Variants in SDC4 observed in about 807,000 individuals in gnomAD.
SDC4 encodes the protein syndecan 4.
Under a neutral mutation model 20.5 loss-of-function variants are expected in SDC4, and 17 were observed. The observed-to-expected ratio is 0.83, with a 90% CI of 0.57 to 1.25. The LOEUF (loss-of-function observed/expected upper bound fraction) is 1.25, where lower values mean the gene tolerates loss of function less well. SDC4 is among the 50% of genes most tolerant of loss of function. SDC4 has a pLI of 0.00. For synonymous variants in SDC4, 107 were observed against 105.3 expected, an observed-to-expected ratio of 1.02 and a Z score of -0.10; for missense variants, 241 against 252.3, an observed-to-expected ratio of 0.96 and a Z score of 0.30.
At position 45,348,363 on chromosome 20, in the gene SDC4, C is replaced by T. The variant is rs1214822572; in HGVS notation, c.22G>A (p.Ala8Thr). The T allele has an allele frequency of 1.6e-5, 26 of 1,591,256 alleles. No individual in the cohort carries two copies. The highest frequency in any genetic ancestry group is 2.1e-5 in the Non-Finnish European group (25 of 1,170,422). Reference protein sequence around the residue: MAPARLFALLLFFVGGVA... With the variant: MAPARLFTLLLFFVGGVA... The stretch of plus-strand genomic sequence containing the variant: ...CCGCCTACGAAGAACAGCAGCAGCG[C>T]GAACAGACGGGCGGGGGCCATGGCA... Residue 8 changes from alanine (A) to threonine (T), a missense_variant, in exon 1 of 5, where the codon GCG (alanine) becomes ACG (threonine). Ala to Thr is a moderately conservative substitution (Grantham distance 58). Transcript: ENST00000372733.
intron 2 of SDC4, among the ~76,000 whole-genome samples, chr20:45,333,972 A>C (rs1222389415): frequency 1.3e-5 from 2 of 148,242 alleles, no homozygotes; most frequent in African/African-American, 5.0e-5. Flanking sequence ...GAAATGTAGA[A>C]TTTCAGGGCT....
intron 1 of SDC4, among the ~76,000 whole-genome samples, chr20:45,339,996 C>T (rs749329806): frequency 6.6e-6 from 1 of 152,294 alleles, no homozygotes; most frequent in East Asian, 1.9e-4. Flanking sequence ...CAGCTGGCAG[C>T]GGAGATGGAC....
chr20:45,340,407 C>G (rs1212226106), intron 1 of SDC4, among the ~76,000 whole-genome samples: 11 of 152,232 alleles, frequency 7.2e-5, no homozygotes, highest in African/African-American at 2.2e-4. Flanking sequence ...AGCTGGGATT[C>G]AAATCCAGAT....
At position 45,327,177 on chromosome 20, in the gene SDC4, T is replaced by G; in HGVS notation, c.*87A>C. The G allele has an allele frequency of 3.5e-6, 5 of 1,436,876 alleles. No individual in the cohort carries two copies. The highest frequency in any genetic ancestry group is 4.9e-6 in the Non-Finnish European group (5 of 1,030,400). The allele number at this position is 1,436,876 out of a possible 1,614,324, so 89.0% of individuals were successfully genotyped here. A position where few individuals can be genotyped will look rare whatever the true frequency, so the allele number is the denominator to read the frequency against. On this transcript the variant is annotated 3_prime_UTR_variant, in exon 5 of 5. Transcript: ENST00000372733. ...AGATACTGACAAGTCAGTATTAGGT[T>G]GACCTCACCCTACCCTAATGTCCAC...
chr20:45,327,211 A>T lies in SDC4; in HGVS notation c.*53T>A. The T allele has an allele frequency of 6.2e-7, 1 of 1,606,910 alleles. No individual in the cohort carries two copies. Among genetic ancestry groups the T allele is most frequent in the Non-Finnish European group, 8.5e-7 (1 of 1,175,022 alleles). On this transcript the variant is annotated 3_prime_UTR_variant, in exon 5 of 5. Coordinates refer to ENST00000372733, the MANE Select transcript of SDC4 (RefSeq NM_002999.4). ...CCTACCCTAATGTCCACCCTTCAAA[A>T]TCCCCTGGCTTCCCTCCCCGCTAAA...
intron 4 of SDC4, 92 bp from the exon 5 acceptor site, chr20:45,327,507 C>T (rs998364978): frequency 7.3e-6 from 10 of 1,378,760 alleles, no homozygotes; most frequent in Non-Finnish European, 8.8e-6. Context: ...AGTTCTCTTA[C>T]AACCAGACAT....
intron 1 of SDC4, among the ~76,000 whole-genome samples, chr20:45,344,530 C>A (rs1242924436): frequency 6.6e-6 from 1 of 152,210 alleles, no homozygotes; most frequent in Non-Finnish European, 1.5e-5. Context: ...GGTTGAAGGA[C>A]AGCTAGGAGC....
intron 1 of SDC4, among the ~76,000 whole-genome samples, chr20:45,347,955 G>A (rs982214084): frequency 2.6e-4 from 39 of 152,100 alleles, no homozygotes; most frequent in African/African-American, 9.2e-4. Context: ...TCTGCTCTGG[G>A]CGCCCCGAGA....
intron 4 of SDC4, among the ~76,000 whole-genome samples, chr20:45,328,395 T>C (rs1987727177): frequency 1.3e-5 from 2 of 152,230 alleles, no homozygotes; most frequent in Non-Finnish European, 2.9e-5. Flanking sequence ...TCAAAGTGCT[T>C]AGAACAATGC....
intron 1 of SDC4, among the ~76,000 whole-genome samples, chr20:45,340,342 G>A (rs1987936698): frequency 6.6e-6 from 1 of 152,166 alleles, no homozygotes; most frequent in Non-Finnish European, 1.5e-5. Context: ...TTGCAGATGA[G>A]AAGACTGAGG....
rs145789563 is a variant in SDC4, at chr20:45,327,349, C to A, written c.512G>T (p.Arg171Leu). The A allele has an allele frequency of 3.7e-6, 6 of 1,614,004 alleles. No homozygotes were observed. The highest frequency in any genetic ancestry group is 5.1e-6 in the Non-Finnish European group (6 of 1,180,020). ...AVFLILLLMYRMKKKDEGSYD... is the reference protein window; with the variant it reads ...AVFLILLLMYLMKKKDEGSYD... ...GCTGCCTTCATCCTTCTTCTTCATA[C>A]GGTACATGAGCAGTAGGATCAGGAA... Residue 171 changes from arginine to leucine, a missense_variant, in exon 5 of 5, where the codon CGT (arginine) becomes CTT (leucine). Transcript: ENST00000372733.
intron 1 of SDC4, among the ~76,000 whole-genome samples, chr20:45,337,395 G>A (rs1987887970): frequency 1.3e-5 from 2 of 152,198 alleles, no homozygotes; most frequent in South Asian, 4.1e-4. Context: ...GGAGCTGGGG[G>A]TCTGCTTAGA....
At chr20:45,348,246 T>G in intron 1 of SDC4, 79 bp downstream of exon 1, 155 of 769,840 alleles carry the variant, frequency 2.0e-4, no homozygotes, top group Non-Finnish European at 2.6e-4. Context: ...CCCCCCCCCA[T>G]CCCACGCTCC....
At chr20:45,336,382 T>C (rs551896609) in intron 1 of SDC4, among the ~76,000 whole-genome samples, 163 of 152,284 alleles carry the variant, frequency 1.1e-3, no homozygotes, top group Non-Finnish European at 2.0e-3. Context: ...CGTTGCACTC[T>C]AGCCTGAGCT....
intron 1 of SDC4, among the ~76,000 whole-genome samples, chr20:45,338,320 C>T (rs539841102): frequency 7.2e-5 from 11 of 152,266 alleles, no homozygotes; most frequent in South Asian, 4.1e-4. Flanking sequence ...CATATGTACA[C>T]GGGGTCACCA....
chr20:45,335,368 C>A (rs1260362802), intron 2 of SDC4, among the ~76,000 whole-genome samples: 6 of 152,012 alleles, frequency 3.9e-5, no homozygotes, highest in African/African-American at 1.4e-4. Flanking sequence ...TTTGTAGAGA[C>A]AAGTTCTCAC....
intron 3 of SDC4, 93 bp from the exon 4 acceptor site, chr20:45,330,657 TTC>T: frequency 9.3e-7 from 1 of 1,073,222 alleles, no homozygotes; most frequent in Non-Finnish European, 1.4e-6. Flanking sequence ...GAGAATCTGG[TTC>T]TGCCATATTC....
At chr20:45,339,978 C>T (rs1352911378) in intron 1 of SDC4, among the ~76,000 whole-genome samples, 1 of 152,188 alleles carries the variant, frequency 6.6e-6, no homozygotes, top group East Asian at 1.9e-4. Flanking sequence ...TTGCCAAGGT[C>T]ATCCAAGCAG....
At position 45,348,345 on chromosome 20, in the gene SDC4, C is replaced by A; in HGVS notation, c.40G>T (p.Val14Leu). ...CCCACCGACTCGGCGACTCCGCCTA[C>A]GAAGAACAGCAGCAGCGCGAACAGA... ...ARLFALLLFF[V>L]GGVAESIRET... is the part of the protein sequence containing the mutation. Residue 14 changes from valine (V) to leucine (L), a missense_variant, in exon 1 of 5, where the codon GTA (valine) becomes TTA (leucine). Coordinates refer to ENST00000372733, the MANE Select transcript of SDC4 (RefSeq NM_002999.4). 2.5e-6 allele frequency: 4 copies of A among 1,592,900 alleles called. No homozygotes were observed. Among genetic ancestry groups the A allele is most frequent in the Non-Finnish European group, 3.4e-6 (4 of 1,170,932 alleles).
Sources: allele counts gnomAD v4.1 joint callset (sites outside exome capture counted in the v4.1 genomes callset), GRCh38; gene constraint gnomAD v4.1.1; transcripts MANE v1.5; gene names NCBI Gene and HGNC (gene_info 2026-07-23, HGNC 2026-07-21).